The following URI1 variants were observed in gnomAD, a reference collection of about 807,000 sequenced individuals.
URI1 encodes the protein URI1 prefoldin like chaperone, also known as unconventional prefoldin RPB5 interactor 1.
A neutral mutation model predicts 60.2 loss-of-function variants in URI1; 39 were observed. That is an observed-to-expected ratio of 0.65 (90% CI 0.50 to 0.85). The LOEUF (loss-of-function observed/expected upper bound fraction) is 0.85, where lower values mean the gene tolerates loss of function less well. URI1 is among the 40% of genes least tolerant of loss of function. The pLI, the probability that URI1 is intolerant of heterozygous loss-of-function variation, is 0.00. For missense variants in URI1, 691 were observed against 665.9 expected (o/e 1.04, Z -0.42); for synonymous variants, 251 against 236.8 (o/e 1.06, Z -0.55).
At position 30,015,353 on chromosome 19, in the gene URI1, A is replaced by G; in HGVS notation, c.*284A>G. On this transcript the variant is annotated 3_prime_UTR_variant, in exon 11 of 11. Coordinates refer to ENST00000392271, the MANE Select transcript of URI1 (RefSeq NM_003796.3). ...CATTTTGAATTACTTTTCAAAGAAT[A>G]CTGTTCATATGCATTGTTTTTGTGT... 1 of 1,422,182 alleles carries G rather than the reference A, an allele frequency of 7.0e-7. No individual in the cohort carries two copies. Among genetic ancestry groups the G allele is most frequent in the South Asian group, 1.6e-5 (1 of 61,466 alleles). 88.1% of individuals were successfully genotyped at this position (1,422,182 alleles called of 1,614,324 possible).
chr19:29,927,196 T>C (rs1023699711), intron 1 of URI1, among the ~76,000 whole-genome samples: 1 of 151,946 alleles, frequency 6.6e-6, no homozygotes, highest in Non-Finnish European at 1.5e-5. Context: ...TGTGGTGGTC[T>C]TCACATAGGA....
In URI1 at chr19:30,015,226, A is replaced by G; in HGVS notation, c.*157A>G. 7.0e-7 allele frequency: 1 copy of G among 1,421,874 alleles called. No homozygotes were observed. 88.1% of individuals were successfully genotyped at this position (1,421,874 alleles called of 1,614,324 possible). On this transcript the variant is annotated 3_prime_UTR_variant, in exon 11 of 11. Transcript: ENST00000392271. ...CCCTTACCCGTGGTATTTGAAAAAAATCAAGGTAACTGTCTGAATACTTTA... is the reference window on the plus strand; with the variant it reads ...CCCTTACCCGTGGTATTTGAAAAAAGTCAAGGTAACTGTCTGAATACTTTA...
Position 30,009,121 on chromosome 19 carries a change from G to T in URI1, c.803G>T (p.Cys268Phe), listed in dbSNP as rs1178794281. The change falls in exon 8 of 11, where the codon TGT (cysteine) becomes TTT (phenylalanine). Residue 268 changes from cysteine to phenylalanine, a missense_variant. Transcript: ENST00000392271. ...CAAGTAACAGACTCTCATACTCCTT[G>T]TCATAAGGATGTTGCAAGTTCAGAA... ...MHQVTDSHTP[C>F]HKDVASSEPF... 1 of 1,613,992 alleles carries T rather than the reference G, an allele frequency of 6.2e-7. No homozygotes were observed. Among genetic ancestry groups the T allele is most frequent in the East Asian group, 2.2e-5 (1 of 44,868 alleles).
intron 1 of URI1, among the ~76,000 whole-genome samples, chr19:29,969,019 A>G (rs2055425798): frequency 1.3e-5 from 2 of 152,064 alleles, no homozygotes; most frequent in African/African-American, 4.8e-5. Flanking sequence ...GATAACCTAG[A>G]CATGCCATCA....
chr19:29,990,349 G>A (rs988095754), intron 4 of URI1, among the ~76,000 whole-genome samples: 5 of 152,156 alleles, frequency 3.3e-5, no homozygotes, highest in Non-Finnish European at 7.4e-5. Flanking sequence ...TTTTCAGCAA[G>A]TTAAACATTG....
Position 30,015,773 on chromosome 19 carries a change from T to TG in URI1, c.*705dup. 1 of 535,082 alleles carries TG rather than the reference T, an allele frequency of 1.9e-6. No homozygotes were observed. Among genetic ancestry groups the TG allele is most frequent in the Admixed American group, 3.5e-5 (1 of 28,358 alleles). The allele number at this position is 535,082 out of a possible 1,614,324, so 33.1% of individuals were successfully genotyped here. ...GTCCTTGATTCATATGTATGCTACA[T>TG]GTATCACACAACAGATCTGGAATTC... On this transcript the variant is annotated 3_prime_UTR_variant, in exon 11 of 11. Transcript: ENST00000392271.
intron 7 of URI1, 147 bp from the exon 8 acceptor site, chr19:30,008,858 C>T: frequency 1.5e-6 from 1 of 660,348 alleles, no homozygotes; most frequent in Non-Finnish European, 2.4e-6. Flanking sequence ...TATTTCAAAA[C>T]ATTTTTTTGT....
intron 7 of URI1, among the ~76,000 whole-genome samples, chr19:30,008,716 A>C (rs1232308509): frequency 6.6e-6 from 1 of 152,068 alleles, no homozygotes; most frequent in East Asian, 1.9e-4. Flanking sequence ...CTTTATTATT[A>C]TTGATACTAT....
chr19:29,949,874 C>T (rs935569070), intron 1 of URI1, among the ~76,000 whole-genome samples: 1 of 149,784 alleles, frequency 6.7e-6, no homozygotes, highest in Admixed American at 6.6e-5. Context: ...AGTCCAGCTT[C>T]GGCTTGGCAT....
At chr19:29,952,051 A>T (rs2055186806) in intron 1 of URI1, among the ~76,000 whole-genome samples, 1 of 152,246 alleles carries the variant, frequency 6.6e-6, no homozygotes, top group African/African-American at 2.4e-5. Flanking sequence ...AGACAGTACT[A>T]AGGAAATATA....
intron 4 of URI1, among the ~76,000 whole-genome samples, chr19:30,001,782 A>T (rs2034250017): frequency 6.6e-6 from 1 of 151,890 alleles, no homozygotes; most frequent in South Asian, 2.1e-4. Context: ...AATTTGGTTG[A>T]CATTTCTTGT....
chr19:30,010,961 A>T, intron 8 of URI1, 133 bp from the exon 9 acceptor site: 1 of 920,132 alleles, frequency 1.1e-6, no homozygotes, highest in Non-Finnish European at 1.6e-6. Flanking sequence ...CTGATAATGC[A>T]CATCATTTCA....
chr19:29,968,115 C>A (rs2055411924), intron 1 of URI1, among the ~76,000 whole-genome samples: 1 of 152,046 alleles, frequency 6.6e-6, no homozygotes, highest in Non-Finnish European at 1.5e-5. Context: ...TAGGTACATA[C>A]TTTATTATAA....
At chr19:29,960,425 T>A (rs1057311605) in intron 1 of URI1, among the ~76,000 whole-genome samples, 8 of 152,180 alleles carry the variant, frequency 5.3e-5, no homozygotes, top group African/African-American at 1.9e-4. Context: ...TTTTTAACCT[T>A]TGCTTTATAT....
rs965518940 is a variant in URI1, at chr19:29,951,195, T to TTTAA, written c.117+8531_117+8532insTTAA. 1.2e-3 allele frequency among the ~76,000 whole-genome samples: 188 copies of TTTAA among 152,314 alleles called. 1 individual carries two copies. Among genetic ancestry groups the TTTAA allele is most frequent in the Non-Finnish European group, 1.9e-3 (127 of 68,022 alleles). On this transcript the variant is annotated intron_variant, in intron 1 of 10. Transcript: ENST00000392271. ...AATGTCATTTTTGTCCCATTATTAG[T>TTTAA]GTTGCTAACCACTTGTTTAAGATGT...
rs1477238557 is a variant in URI1 at position 30,012,330 on chromosome 19, C to T, written c.1224C>T (p.Ser408=). ...ATGGAGAATATGTCCCTCGCAAATCCATCCTGAAGTCTCGAAGTAGAGAGA... is the reference window on the plus strand; with the variant it reads ...ATGGAGAATATGTCCCTCGCAAATCTATCCTGAAGTCTCGAAGTAGAGAGA... ...VVNGEYVPRK[S]ILKSRSRENS... Residue 408 remains serine, a synonymous_variant, in exon 10 of 11, where the codon TCC becomes TCT. Coordinates refer to ENST00000392271, the MANE Select transcript of URI1 (RefSeq NM_003796.3). 6.2e-7 allele frequency: 1 copy of T among 1,614,066 alleles called. No individual in the cohort carries two copies. Among genetic ancestry groups the T allele is most frequent in the African/African-American group, 1.3e-5 (1 of 75,018 alleles).
intron 1 of URI1, among the ~76,000 whole-genome samples, chr19:29,962,402 C>CTTTTTTTTTTTTTTTTTTTT: frequency 8.1e-6 from 1 of 123,480 alleles, no homozygotes; most frequent in Non-Finnish European, 1.7e-5. Flanking sequence ...TTTATAGTAT[C>CTTTTTTTTTTTTTTTTTTTT]TTTTTTTTTT....
At chr19:30,012,792 T>TA (rs2056039797) in intron 10 of URI1, 1 of 324,114 alleles carries the variant, frequency 3.1e-6, no homozygotes, top group African/African-American at 2.2e-5. Flanking sequence ...CATTATGTAT[T>TA]ACATTTGTAG....
At position 29,968,575 on chromosome 19, in the gene URI1, T is replaced by C. The variant is rs994990298; in HGVS notation, c.118-2618T>C. Among the ~76,000 whole-genome samples the C allele has an allele frequency of 6.2e-4, 83 of 133,212 alleles. 1 individual carries two copies. The highest frequency in any genetic ancestry group is 7.2e-3 in the Middle Eastern group (2 of 276). 87.4% of individuals were successfully genotyped at this position (133,212 alleles called of 152,430 possible). A position where few individuals can be genotyped will look rare whatever the true frequency, so the allele number is the denominator to read the frequency against. ...ATTTACTAATTTTTTCTTTTTTTTT[T>C]TTTTTTTTTTTTTTGAGATGGAGTC... On this transcript the variant is annotated intron_variant, in intron 1 of 10. Coordinates refer to ENST00000392271, the MANE Select transcript of URI1 (RefSeq NM_003796.3).
Sources: gnomAD v4.1 joint callset for allele counts (sites outside exome capture counted in the v4.1 genomes callset) on GRCh38, gnomAD v4.1.1 for gene constraint, MANE v1.5 for transcripts, NCBI Gene and HGNC (gene_info 2026-07-23, HGNC 2026-07-21) for gene names.